PRKACB: variants seen among roughly 807,000 people sequenced by gnomAD.
The protein encoded by PRKACB is cAMP-dependent protein kinase catalytic subunit beta.
Under a neutral mutation model 51.4 loss-of-function variants are expected in PRKACB, and 16 were observed. The observed-to-expected ratio is 0.31, with a 90% CI of 0.21 to 0.47. PRKACB has a LOEUF of 0.47. Ranked by LOEUF, PRKACB falls within the 20% of genes least tolerant of loss-of-function variation. PRKACB has a pLI of 1.00. For missense variants in PRKACB, 309 were observed against 464.5 expected, an observed-to-expected ratio of 0.67 and a Z score of 3.08; for synonymous variants, 147 against 154.4, an observed-to-expected ratio of 0.95 and a Z score of 0.35.
chr1:84,101,441 T>A (rs1477816659), intron 1 of PRKACB, among the ~76,000 whole-genome samples: 2 of 152,194 alleles, frequency 1.3e-5, no homozygotes, highest in Non-Finnish European at 2.9e-5. Context: ...AGTTGACACA[T>A]AAAAATGTCC....
At chr1:84,175,733 C>T (rs1661009875) in intron 1 of PRKACB, 10 of 1,264,762 alleles carry the variant, frequency 7.9e-6, no homozygotes, top group Non-Finnish European at 8.5e-6. Flanking sequence ...AATTGTCTCT[C>T]TTTTTTTTTT....
chr1:84,227,400 G>A (rs113542820), intron 9 of PRKACB, among the ~76,000 whole-genome samples: 2,384 of 151,754 alleles, frequency 0.016, 20 homozygotes, highest in South Asian at 0.055. Flanking sequence ...ATGCTATTTC[G>A]AGGTATATTC....
upstream of PRKACB, among the ~76,000 whole-genome samples, chr1:84,141,409 A>G (rs1653406497): frequency 6.6e-6 from 1 of 152,088 alleles, no homozygotes; most frequent in African/African-American, 2.4e-5. Context: ...TTATTTCTTA[A>G]TCAAAAATCA....
intron 5 of PRKACB, among the ~76,000 whole-genome samples, chr1:84,186,788 C>T (rs1665250759): frequency 1.3e-5 from 2 of 152,028 alleles, no homozygotes; most frequent in African/African-American, 4.8e-5. Context: ...ATGTAGGGAC[C>T]TGGGCCACAT....
intron 1 of PRKACB, among the ~76,000 whole-genome samples, chr1:84,094,391 T>C (rs530188239): frequency 4.6e-5 from 7 of 152,170 alleles, no homozygotes; most frequent in African/African-American, 1.2e-4. Context: ...TGCAATATAT[T>C]GTCCATTTCA....
At chr1:84,090,522 A>G (rs1427795529) in intron 1 of PRKACB, among the ~76,000 whole-genome samples, 1 of 152,194 alleles carries the variant, frequency 6.6e-6, no homozygotes, top group South Asian at 2.1e-4. Context: ...AATCACTGCT[A>G]TGGTTTATGG....
At chr1:84,164,585 C>A in intron 1 of PRKACB, 1 of 1,374,166 alleles carries the variant, frequency 7.3e-7, no homozygotes, top group Non-Finnish European at 9.7e-7. Context: ...AAAAGCTACG[C>A]CTTGGATACA....
chr1:84,220,624 A>C (rs1284420452), intron 9 of PRKACB, among the ~76,000 whole-genome samples: 1 of 152,040 alleles, frequency 6.6e-6, no homozygotes, highest in Non-Finnish European at 1.5e-5. Context: ...TCTATGCCTA[A>C]TTTGTTGAGA....
upstream of PRKACB, among the ~76,000 whole-genome samples, chr1:84,142,615 A>G (rs1653529479): frequency 6.6e-6 from 1 of 152,232 alleles, no homozygotes; most frequent in Admixed American, 6.5e-5. Flanking sequence ...TACACAAAAC[A>G]AAGTATACAG....
rs991182401 is a variant in PRKACB at position 84,147,913 on chromosome 1, G to T, written c.187+3365G>T. ...ATTTTGTACTACGCTGTATTAGTGG[G>T]GAGCCAATGCAGTTTTTTAAAGTGG... On this transcript the variant is annotated intron_variant, in intron 1 of 9. Transcript: ENST00000370685. Among the ~76,000 whole-genome samples, 3 of 152,158 alleles carry T rather than the reference G, an allele frequency of 2.0e-5. No individual in the cohort carries two copies. In the South Asian group the frequency reaches 6.2e-4, roughly 32 times the overall value.
intron 1 of PRKACB, among the ~76,000 whole-genome samples, chr1:84,085,461 G>T (rs1022421791): frequency 3.9e-5 from 6 of 152,126 alleles, no homozygotes; most frequent in African/African-American, 1.4e-4. Flanking sequence ...ATGACACTGT[G>T]ATCTCTTCTT....
chr1:84,102,794 C>T (rs1296028868), intron 1 of PRKACB, among the ~76,000 whole-genome samples: 1 of 152,102 alleles, frequency 6.6e-6, no homozygotes, highest in East Asian at 1.9e-4. Flanking sequence ...GAGAGTACAG[C>T]TAAGAGACAA....
intron 9 of PRKACB, among the ~76,000 whole-genome samples, chr1:84,224,257 C>T (rs1157613105): frequency 6.6e-6 from 1 of 152,178 alleles, no homozygotes; most frequent in Non-Finnish European, 1.5e-5. Flanking sequence ...ACACTGGCAT[C>T]AATTTTAGCA....
intron 1 of PRKACB, among the ~76,000 whole-genome samples, chr1:84,178,511 ATTGCTTTACTTTAGTGCATTTTAAAT>A (rs1490220062): frequency 2.0e-5 from 3 of 152,028 alleles, no homozygotes; most frequent in African/African-American, 7.2e-5. Flanking sequence ...TTGGTTTTGA[ATTGCTTTACTTTAGTGCATTTTAAAT>A]TGGGTATTCA....
At chr1:84,204,960 A>G (rs1007358179) in intron 8 of PRKACB, 9 of 978,940 alleles carry the variant, frequency 9.2e-6, no homozygotes, top group Non-Finnish European at 9.7e-6. Context: ...AAAATTTTGT[A>G]TCTAATAATC....
intron 1 of PRKACB, among the ~76,000 whole-genome samples, chr1:84,112,940 A>C (rs1340064718): frequency 1.3e-5 from 2 of 152,184 alleles, no homozygotes; most frequent in Admixed American, 1.3e-4. Flanking sequence ...GTTAGTAGGA[A>C]ATATTTTCCA....
At position 84,202,885 on chromosome 1, in the gene PRKACB, A is replaced by G. The variant is rs543710464; in HGVS notation, c.906+80A>G. 1.8e-4 allele frequency: 224 copies of G among 1,212,566 alleles called. No individual in the cohort carries two copies. The South Asian group carries it at 4.3e-3, about 24-fold the overall frequency. 75.1% of individuals were successfully genotyped at this position (1,212,566 alleles called of 1,614,324 possible). On this transcript the variant is annotated intron_variant, in intron 8 of 9. Coordinates refer to ENST00000370685, the MANE Select transcript of PRKACB (RefSeq NM_182948.4). ...TCATGAATTGAAACTATATTGTGTC[A>G]TAATTATTATTCTACATTGGGAAAA...
intron 1 of PRKACB, among the ~76,000 whole-genome samples, chr1:84,095,786 A>C (rs563055326): frequency 6.6e-6 from 1 of 152,108 alleles, no homozygotes; most frequent in East Asian, 1.9e-4. Flanking sequence ...TTTCTGATAT[A>C]TAATTTCAAT....
intron 9 of PRKACB, among the ~76,000 whole-genome samples, chr1:84,219,111 G>T (rs1419238843): frequency 6.6e-6 from 1 of 151,922 alleles, no homozygotes; most frequent in African/African-American, 2.4e-5. Flanking sequence ...TCTTTTGAAT[G>T]TCTCCTTTGC....
Sources: allele counts gnomAD v4.1 joint callset (sites outside exome capture counted in the v4.1 genomes callset), GRCh38; gene constraint gnomAD v4.1.1; transcripts MANE v1.5; gene names NCBI Gene and HGNC (gene_info 2026-07-23, HGNC 2026-07-21).